CENPF: variants seen among roughly 807,000 people sequenced by gnomAD.
CENPF encodes the protein AH antigen.
Under a neutral mutation model 307.3 loss-of-function variants are expected in CENPF, and 214 were observed. That is an observed-to-expected ratio of 0.70 (90% CI 0.62 to 0.78). The LOEUF (loss-of-function observed/expected upper bound fraction) is 0.78. Ranked by LOEUF, CENPF falls within the 30% of genes least tolerant of loss-of-function variation. The pLI, the probability that CENPF is intolerant of heterozygous loss-of-function variation, is 0.00. For synonymous variants in CENPF, 1,259 were observed against 1,270.6 expected, an observed-to-expected ratio of 0.99 and a Z score of 0.19; for missense variants, 3,401 against 3,483.9, an observed-to-expected ratio of 0.98 and a Z score of 0.60.
rs781325161 is a variant in CENPF at position 214,651,778 on chromosome 1, C to T, written c.8052C>T (p.Asp2684=). ...LKKSLDCMHK[D]QVEKEGKVRE... ...AGAGCCTAGATTGCATGCACAAAGA[C>T]CAGGTGGAAAAGGAAGGGAAAGTGA... The change falls in exon 15 of 20, where the codon GAC becomes GAT. Residue 2684 remains aspartate, a synonymous_variant. Transcript: ENST00000366955. The T allele has an allele frequency of 1.2e-6, 2 of 1,612,854 alleles. No individual in the cohort carries two copies. Among genetic ancestry groups the T allele is most frequent in the Admixed American group, 3.3e-5 (2 of 59,816 alleles).
At position 214,640,449 on chromosome 1, in the gene CENPF, A is replaced by G. The variant is rs751351077; in HGVS notation, c.2111A>G (p.Gln704Arg). The stretch of plus-strand genomic sequence containing the variant: ...CAGAAACTAGCTTATATGGAGCTAC[A>G]GCAGAAAGCTGAGTTCTCAGATCAG... ...ETQKLAYMEL[Q>R]QKAEFSDQKH... is the part of the protein sequence containing the mutation. The change falls in exon 12 of 20, where the codon CAG becomes CGG. Residue 704 changes from glutamine to arginine, a missense_variant. By Grantham distance (43) the Gln-to-Arg change is conservative (BLOSUM62 1). Transcript: ENST00000366955. 7.0e-5 allele frequency: 113 copies of G among 1,614,028 alleles called. 2 individuals carry two copies. In the South Asian group the frequency reaches 1.0e-3, roughly 15 times the overall value.
At chr1:214,662,188 A>G (rs185323312) in intron 19 of CENPF, among the ~76,000 whole-genome samples, 2 of 151,536 alleles carry the variant, frequency 1.3e-5, no homozygotes, top group African/African-American at 2.4e-5. Context: ...AAACCTAAAG[A>G]TTTGTTTCTT....
rs139296855 is a variant in CENPF at position 214,614,981 on chromosome 1, G to A, written c.312G>A (p.Leu104=). The change falls in exon 3 of 20, where the codon CTG becomes CTA. Residue 104 remains leucine (L), a synonymous_variant. Coordinates refer to ENST00000366955, the MANE Select transcript of CENPF (RefSeq NM_016343.4). The stretch of plus-strand genomic sequence containing the variant: ...AAGTGAATTTCCAGGAAGGACAACT[G>A]AATTCAGGCAAAAAACAAATAGAAA... ...ESQVNFQEGQ[L]NSGKKQIEKL... 1.3e-5 allele frequency: 21 copies of A among 1,606,314 alleles called. No homozygotes were observed. The African/African-American group carries it at 2.6e-4, about 20-fold the overall frequency.
rs199813442 is a variant in CENPF at position 214,647,215 on chromosome 1, C to G, written c.7645C>G (p.Gln2549Glu). The change falls in exon 13 of 20, where the codon CAA becomes GAA. Residue 2549 changes from glutamine (Q) to glutamate (E), a missense_variant. Coordinates refer to ENST00000366955, the MANE Select transcript of CENPF (RefSeq NM_016343.4). ...ACTGTCCCAGGTGGAAGGAGAGCACCAACTTTGGAAGGAGCAAAACTTAGA... is the reference window on the plus strand; with the variant it reads ...ACTGTCCCAGGTGGAAGGAGAGCACGAACTTTGGAAGGAGCAAAACTTAGA... ...SKLSQVEGEHQLWKEQNLELR... is the reference protein window; with the variant it reads ...SKLSQVEGEHELWKEQNLELR... 6 of 1,614,028 alleles carry G rather than the reference C, an allele frequency of 3.7e-6. No individual in the cohort carries two copies. The highest frequency in any genetic ancestry group is 2.5e-6 in the Non-Finnish European group (3 of 1,179,960).
chr1:214,608,393 A>G (rs1413560780), intron 1 of CENPF: 4 of 1,613,468 alleles, frequency 2.5e-6, no homozygotes, highest in Admixed American at 1.7e-5. Flanking sequence ...CTGGCACCGT[A>G]GCCGGAGTAG....
chr1:214,629,243 G>A (rs1657740283), intron 8 of CENPF, 72 bp downstream of exon 8: 8 of 1,395,944 alleles, frequency 5.7e-6, no homozygotes, highest in Non-Finnish European at 7.6e-6. Flanking sequence ...TGATCACTTG[G>A]AAAGGGGAGT....
intron 19 of CENPF, among the ~76,000 whole-genome samples, chr1:214,662,790 AT>A (rs1012634616): frequency 7.3e-4 from 106 of 144,552 alleles, no homozygotes; most frequent in African/African-American, 8.6e-4. Flanking sequence ...ATAAATTTCA[AT>A]TTTTTTTTTT....
At chr1:214,630,817 G>C (rs938641593) in intron 9 of CENPF, among the ~76,000 whole-genome samples, 155 bp downstream of exon 9, 14 of 152,130 alleles carry the variant, frequency 9.2e-5, no homozygotes. Flanking sequence ...AACCATTCTG[G>C]CTCTAGGTTT....
rs192234581 is a variant in CENPF at position 214,648,824 on chromosome 1, C to A, written c.7980C>A (p.Ser2660Arg). ...TACTGTTGGAAGAAATAAAGAGCAG[C>A]AAAGTAAGTTTCTTTGTGACAAGTG... Reference protein sequence around the residue: ...LQLLLEEIKSSKDQLKELTLE... With the variant: ...LQLLLEEIKSRKDQLKELTLE... Residue 2660 changes from serine (S) to arginine (R), a missense_variant, in exon 14 of 20, where the codon AGC becomes AGA. By Grantham distance (110) the Ser-to-Arg change is moderately radical. Transcript: ENST00000366955. 6.2e-7 allele frequency: 1 copy of A among 1,613,130 alleles called. No individual in the cohort carries two copies. Among genetic ancestry groups the A allele is most frequent in the East Asian group, 2.2e-5 (1 of 44,858 alleles).
At chr1:214,637,764 T>A in intron 10 of CENPF, 102 bp from the exon 11 acceptor site, 2 of 1,117,688 alleles carry the variant, frequency 1.8e-6, no homozygotes, top group Non-Finnish European at 2.5e-6. Context: ...CTTTCCCTAG[T>A]GAGATACACA....
At chr1:214,604,290 G>A (rs886342140) in intron 1 of CENPF, among the ~76,000 whole-genome samples, 1 of 152,164 alleles carries the variant, frequency 6.6e-6, no homozygotes, top group Non-Finnish European at 1.5e-5. Flanking sequence ...TTTCTGGAAA[G>A]GACAATAGTC....
In CENPF at chr1:214,642,793, T is replaced by C. The variant is rs758397176; in HGVS notation, c.4455T>C (p.Ser1485=). 6.2e-7 allele frequency: 1 copy of C among 1,614,006 alleles called. No homozygotes were observed. The highest frequency in any genetic ancestry group is 1.1e-5 in the South Asian group (1 of 91,052). The stretch of plus-strand genomic sequence containing the variant: ...CATCCTCTTGTGTGCCTGACAGCTC[T>C]AGTCTTAGCAGTTTGGGAGACTCCT... The part of the protein sequence containing the change: ...SLSSSCVPDS[S]SLSSLGDSSF... Residue 1485 remains serine, a synonymous_variant, in exon 12 of 20, where the codon TCT becomes TCC. Transcript: ENST00000366955.
In CENPF at chr1:214,613,934, G is replaced by A. The variant is rs368008256; in HGVS notation, c.162+18G>A. On this transcript the variant is annotated intron_variant, in intron 2 of 19. Transcript: ENST00000366955. ...AACAGAAGGTACCCCTGAAGCTCTGGTATTTGTAGCTGTTCACTCATTATT... is the reference window on the plus strand; with the variant it reads ...AACAGAAGGTACCCCTGAAGCTCTGATATTTGTAGCTGTTCACTCATTATT... 1.3e-6 allele frequency: 2 copies of A among 1,596,166 alleles called. No homozygotes were observed. The highest frequency in any genetic ancestry group is 1.7e-6 in the Non-Finnish European group (2 of 1,174,034).
At chr1:214,652,194 C>T (rs1196327081) in intron 15 of CENPF, among the ~76,000 whole-genome samples, 1 of 151,226 alleles carries the variant, frequency 6.6e-6, no homozygotes, top group Admixed American at 6.6e-5. Context: ...CGCCACCACG[C>T]CCGGCTAATT....
chr1:214,630,699 C>G (rs781142509), intron 9 of CENPF, 37 bp downstream of exon 9: 3 of 1,606,910 alleles, frequency 1.9e-6, no homozygotes, highest in Non-Finnish European at 2.6e-6. Context: ...CTTAATCATC[C>G]CCTCTTGTTC....
chr1:214,664,005 C>G lies in CENPF; in HGVS notation c.*211C>G. ...TGATCACCTGTTAGCATTGCCATTC[C>G]TCTACTGCAATGTAAATAGTATAAA... On this transcript the variant is annotated 3_prime_UTR_variant, in exon 20 of 20. Coordinates refer to ENST00000366955, the MANE Select transcript of CENPF (RefSeq NM_016343.4). 1.8e-6 allele frequency: 1 copy of G among 546,538 alleles called. No homozygotes were observed. Among genetic ancestry groups the G allele is most frequent in the South Asian group, 2.6e-5 (1 of 38,642 alleles). 33.9% of individuals were successfully genotyped at this position (546,538 alleles called of 1,614,324 possible).
At position 214,651,801 on chromosome 1, in the gene CENPF, T is replaced by A. The variant is rs775287543; in HGVS notation, c.8075T>A (p.Val2692Glu). The change falls in exon 15 of 20, where the codon GTG (valine) becomes GAG (glutamate). Residue 2692 changes from valine to glutamate, a missense_variant. By Grantham distance (121) the Val-to-Glu change is moderately radical (BLOSUM62 -2). Transcript: ENST00000366955. ...HKDQVEKEGK[V>E]REEIAEYQLR... Reference sequence around the variant, plus strand: ...GACCAGGTGGAAAAGGAAGGGAAAGTGAGAGAGGAAATAGCTGAATATCAG... The same window carrying A: ...GACCAGGTGGAAAAGGAAGGGAAAGAGAGAGAGGAAATAGCTGAATATCAG... 1 of 1,613,460 alleles carries A rather than the reference T, an allele frequency of 6.2e-7. No individual in the cohort carries two copies. The highest frequency in any genetic ancestry group is 8.5e-7 in the Non-Finnish European group (1 of 1,179,784).
intron 19 of CENPF, among the ~76,000 whole-genome samples, chr1:214,661,785 AG>A (rs919419225): frequency 3.3e-5 from 5 of 151,924 alleles, no homozygotes; most frequent in African/African-American, 1.2e-4. Context: ...CCTACTTGTG[AG>A]GGTCATTTTC....
At chr1:214,621,244 C>T (rs1446669558) in intron 6 of CENPF, among the ~76,000 whole-genome samples, 3 of 152,190 alleles carry the variant, frequency 2.0e-5, no homozygotes, top group Non-Finnish European at 4.4e-5. Context: ...ACAGTTTACA[C>T]TCCCCATGCT....
Sources: allele counts gnomAD v4.1 joint callset (sites outside exome capture counted in the v4.1 genomes callset), GRCh38; gene constraint gnomAD v4.1.1; transcripts MANE v1.5; gene names NCBI Gene and HGNC (gene_info 2026-07-23, HGNC 2026-07-21).